The following RNF216 variants were observed in gnomAD, a reference collection of about 807,000 sequenced individuals.
The protein encoded by RNF216 is ring finger protein 216.
Under a neutral mutation model 110.8 loss-of-function variants are expected in RNF216, and 72 were observed. The observed-to-expected ratio is 0.65, with a 90% CI of 0.54 to 0.79. RNF216 has a LOEUF of 0.79. Ranked by LOEUF, RNF216 falls within the 30% of genes least tolerant of loss-of-function variation. RNF216 has a pLI of 0.00. For synonymous variants in RNF216, 495 were observed against 407.5 expected (o/e 1.21, Z -2.59); for missense variants, 1,342 against 1,141.2 (o/e 1.18, Z -2.54).
At chr7:5,775,410 T>A (rs927872841) in intron 1 of RNF216, among the ~76,000 whole-genome samples, 1 of 152,162 alleles carries the variant, frequency 6.6e-6, no homozygotes, top group African/African-American at 2.4e-5. Context: ...CATTTTTCCT[T>A]ATGTATATGC....
chr7:5,743,408 G>T (rs936497270), intron 3 of RNF216, among the ~76,000 whole-genome samples: 2 of 152,158 alleles, frequency 1.3e-5, no homozygotes, highest in Non-Finnish European at 2.9e-5. Flanking sequence ...GAGACATTGT[G>T]AAGTTTGTCC....
rs1791630608 is a variant in RNF216 at position 5,696,400 on chromosome 7, G to A, written c.2061+15361C>T. ...TTTTTAAATGACTGGGAAAAAACTTGTGAAGGTTACATGGTTTCCTCCTTA... is the reference window on the plus strand; with the variant it reads ...TTTTTAAATGACTGGGAAAAAACTTATGAAGGTTACATGGTTTCCTCCTTA... On this transcript the variant is annotated intron_variant, in intron 13 of 16. Transcript: ENST00000389902. The surrounding 1 kb of genome is among the most constrained non-coding windows in gnomAD (Gnocchi z 5.4). Among the ~76,000 whole-genome samples the A allele has an allele frequency of 6.6e-6, 1 of 152,192 alleles. No individual in the cohort carries two copies. Among genetic ancestry groups the A allele is most frequent in the Non-Finnish European group, 1.5e-5 (1 of 68,044 alleles).
Position 5,696,412 on chromosome 7 carries a change from T to C in RNF216, c.2061+15349A>G, listed in dbSNP as rs996965424. Among the ~76,000 whole-genome samples, 14 of 152,204 alleles carry C rather than the reference T, an allele frequency of 9.2e-5. No individual in the cohort carries two copies. Among genetic ancestry groups the C allele is most frequent in the Admixed American group, 3.3e-4 (5 of 15,284 alleles). ...TGGGAAAAAACTTGTGAAGGTTACATGGTTTCCTCCTTATGTAAAGCACCT... is the reference window on the plus strand; with the variant it reads ...TGGGAAAAAACTTGTGAAGGTTACACGGTTTCCTCCTTATGTAAAGCACCT... On this transcript the variant is annotated intron_variant, in intron 13 of 16. Coordinates refer to ENST00000389902, the MANE Select transcript of RNF216 (RefSeq NM_207111.4). This position sits in a 1 kb window ranked among gnomAD's most constrained non-coding sequence, Gnocchi z 5.4.
chr7:5,729,162 C>A (rs1412062565), intron 7 of RNF216, among the ~76,000 whole-genome samples: 1 of 152,212 alleles, frequency 6.6e-6, no homozygotes, highest in African/African-American at 2.4e-5. Context: ...CATTAGAATG[C>A]ATCTTTCACA....
intron 5 of RNF216, among the ~76,000 whole-genome samples, chr7:5,732,432 A>G (rs1313559933): frequency 6.6e-6 from 1 of 152,252 alleles, no homozygotes; most frequent in East Asian, 1.9e-4. Flanking sequence ...CAGATGGAAC[A>G]GTAGATATGA....
intron 13 of RNF216, among the ~76,000 whole-genome samples, chr7:5,675,726 T>TTTTTTTTTTTTTGG (rs1790243423): frequency 6.6e-6 from 1 of 151,696 alleles, no homozygotes; most frequent in African/African-American, 2.4e-5. Flanking sequence ...TTTTTTTTTT[T>TTTTTTTTTTTTTGG]GAGGTGGAGT....
chr7:5,649,798 G>A (rs1167807095), intron 14 of RNF216: 1 of 152,244 alleles, frequency 6.6e-6, no homozygotes, highest in Admixed American at 6.5e-5. Flanking sequence ...AACAGATGCT[G>A]ACTAAATGTG....
intron 13 of RNF216, among the ~76,000 whole-genome samples, chr7:5,657,189 C>T (rs2128581449): frequency 6.6e-6 from 1 of 152,358 alleles, no homozygotes; most frequent in East Asian, 1.9e-4. Flanking sequence ...GGAGAGAAGT[C>T]ACTGACATGC....
intron 13 of RNF216, among the ~76,000 whole-genome samples, chr7:5,701,107 C>T (rs1487448611): frequency 6.6e-6 from 1 of 152,172 alleles, no homozygotes; most frequent in Non-Finnish European, 1.5e-5. Context: ...GGAGCACACA[C>T]ACGACAGCCT....
chr7:5,726,857 T>TA (rs1268067556), intron 7 of RNF216, among the ~76,000 whole-genome samples: 5,210 of 135,252 alleles, frequency 0.039, 105 homozygotes, highest in Middle Eastern at 0.053. Flanking sequence ...GACTCTGTCT[T>TA]AAAAAAAAAA....
intron 6 of RNF216, among the ~76,000 whole-genome samples, chr7:5,729,970 C>CATAACTTTATTATGG (rs1474036385): frequency 6.6e-6 from 1 of 152,176 alleles, no homozygotes; most frequent in Admixed American, 6.5e-5. Context: ...AAAGTTAGTT[C>CATAACTTTATTATGG]TCAACCATAC....
chr7:5,669,434 T>C (rs1000252126), intron 13 of RNF216, among the ~76,000 whole-genome samples: 5 of 152,182 alleles, frequency 3.3e-5, no homozygotes, highest in African/African-American at 1.2e-4. Context: ...GTTTACTCAA[T>C]GCTTATGAAA....
intron 13 of RNF216, among the ~76,000 whole-genome samples, chr7:5,687,071 T>C (rs1012607549): frequency 3.3e-5 from 5 of 152,176 alleles, no homozygotes; most frequent in Non-Finnish European, 4.4e-5. Context: ...GTGAATGTTA[T>C]AGAAACACCA....
At chr7:5,650,576 T>C (rs1181082159) in intron 14 of RNF216, among the ~76,000 whole-genome samples, 2 of 152,064 alleles carry the variant, frequency 1.3e-5, no homozygotes, top group Admixed American at 1.3e-4. Flanking sequence ...GGGGTCTCTA[T>C]TTTCTTGGTG....
chr7:5,639,953 G>T (rs1787632900), intron 15 of RNF216, among the ~76,000 whole-genome samples: 1 of 151,680 alleles, frequency 6.6e-6, no homozygotes, highest in African/African-American at 2.4e-5. Flanking sequence ...TAGAGACGGG[G>T]TTTCGCCATG....
chr7:5,637,816 C>T (rs1307252214), intron 15 of RNF216, among the ~76,000 whole-genome samples: 1 of 152,242 alleles, frequency 6.6e-6, no homozygotes, highest in African/African-American at 2.4e-5. Flanking sequence ...GCTGGGATTA[C>T]AGGCATGAGC....
intron 13 of RNF216, among the ~76,000 whole-genome samples, chr7:5,698,570 T>G (rs1791774623): frequency 6.6e-6 from 1 of 152,086 alleles, no homozygotes; most frequent in African/African-American, 2.4e-5. Flanking sequence ...TTTTTTCTAT[T>G]TTGTGTAGAG....
chr7:5,661,496 T>C (rs866908272), intron 13 of RNF216, among the ~76,000 whole-genome samples: 7 of 152,182 alleles, frequency 4.6e-5, no homozygotes, highest in Admixed American at 3.3e-4. Context: ...TGGAGAATTA[T>C]TCCCATTTTT....
chr7:5,719,143 G>A (rs377755489), intron 9 of RNF216, among the ~76,000 whole-genome samples: 12 of 152,200 alleles, frequency 7.9e-5, no homozygotes, highest in African/African-American at 2.4e-4. Context: ...CAATTTGGGC[G>A]GCTGAGTTGG....
Sources: allele counts gnomAD v4.1 joint callset (sites outside exome capture counted in the v4.1 genomes callset), GRCh38; gene constraint gnomAD v4.1.1; non-coding constraint Gnocchi (gnomAD v3.1); transcripts MANE v1.5; gene names NCBI Gene and HGNC (gene_info 2026-07-23, HGNC 2026-07-21).